The following BNC2 variants were observed in gnomAD, a reference collection of about 807,000 sequenced individuals.
BNC2 encodes the protein basonuclin zinc finger protein 2.
BNC2 carries 20 observed loss-of-function variants against 76.3 expected under a neutral mutation model. The observed-to-expected ratio is 0.26, with a 90% confidence interval of 0.18 to 0.38. The LOEUF (loss-of-function observed/expected upper bound fraction) is 0.38, where lower values mean the gene tolerates loss of function less well. Ranked by LOEUF, BNC2 falls within the 10% of genes least tolerant of loss-of-function variation. The pLI, the probability that BNC2 is intolerant of heterozygous loss-of-function variation, is 1.00. For missense variants in BNC2, 1,382 were observed against 1,399.8 expected (o/e 0.99, Z 0.20); for synonymous variants, 582 against 514.8 (o/e 1.13, Z -1.77).
intron 1 of BNC2, among the ~76,000 whole-genome samples, chr9:16,793,342 T>C (rs570349455): frequency 4.3e-4 from 66 of 152,282 alleles, no homozygotes; most frequent in African/African-American, 1.6e-3. Flanking sequence ...ATATAAACCA[T>C]ACAAACCAAA....
At chr9:16,791,876 G>A (rs1442597737) in intron 1 of BNC2, among the ~76,000 whole-genome samples, 3 of 152,140 alleles carry the variant, frequency 2.0e-5, no homozygotes, top group South Asian at 2.1e-4. Context: ...GCCAAGGCAG[G>A]TGGATCACTT....
intron 6 of BNC2, among the ~76,000 whole-genome samples, chr9:16,427,210 C>T (rs1820818972): frequency 1.3e-5 from 2 of 152,188 alleles, no homozygotes; most frequent in African/African-American, 2.4e-5. Context: ...TATAATTAAC[C>T]TTCCATTCTC....
At chr9:16,658,634 A>G (rs1300109768) in intron 3 of BNC2, among the ~76,000 whole-genome samples, 1 of 152,198 alleles carries the variant, frequency 6.6e-6, no homozygotes, top group Non-Finnish European at 1.5e-5. Context: ...TCTGGGAAAG[A>G]TCATAGGTCT....
chr9:16,644,686 C>CA (rs1374600730), intron 3 of BNC2, among the ~76,000 whole-genome samples: 2 of 152,174 alleles, frequency 1.3e-5, no homozygotes, highest in Non-Finnish European at 2.9e-5. Context: ...AACACAGTGT[C>CA]AGTCTAAGAG....
At position 16,759,924 on chromosome 9, in the gene BNC2, C is replaced by T. The variant is rs370396688; in HGVS notation, c.4-21439G>A. Among the ~76,000 whole-genome samples, 18 of 152,212 alleles carry T rather than the reference C, an allele frequency of 1.2e-4. 1 individual carries two copies. Among genetic ancestry groups the T allele is most frequent in the African/African-American group, 3.9e-4 (16 of 41,542 alleles). On this transcript the variant is annotated intron_variant, in intron 1 of 6. Coordinates refer to ENST00000380672, the MANE Select transcript of BNC2 (RefSeq NM_017637.6). ...ATTTTCAGTAGAGACGGGGTTTCAC[C>T]GCATTAGCCAGGACGGTCTGGATTT... is the stretch of plus-strand genomic sequence containing the variant.
chr9:16,534,268 A>T (rs1818067022), intron 5 of BNC2, among the ~76,000 whole-genome samples: 1 of 152,160 alleles, frequency 6.6e-6, no homozygotes, highest in South Asian at 2.1e-4. Context: ...TTAGTTTTAC[A>T]GTAAATAAGA....
At chr9:16,636,270 C>A (rs1316742795) in intron 3 of BNC2, among the ~76,000 whole-genome samples, 1 of 151,998 alleles carries the variant, frequency 6.6e-6, no homozygotes, top group Admixed American at 6.6e-5. Context: ...ATCCATAGTT[C>A]ATGGTTCTAG....
At chr9:16,649,462 AC>A (rs1433578483) in intron 3 of BNC2, among the ~76,000 whole-genome samples, 1 of 152,144 alleles carries the variant, frequency 6.6e-6, no homozygotes, top group Non-Finnish European at 1.5e-5. Context: ...ATGAACTATC[AC>A]TAAACTCAGA....
chr9:16,761,566 G>A (rs778302768), intron 1 of BNC2, among the ~76,000 whole-genome samples: 4 of 152,138 alleles, frequency 2.6e-5, no homozygotes, highest in East Asian at 1.9e-4. Flanking sequence ...ATGCTTTTGC[G>A]GGGAGAGGGA....
intron 1 of BNC2, among the ~76,000 whole-genome samples, chr9:16,795,333 C>G (rs1386522642): frequency 6.6e-6 from 1 of 151,180 alleles, no homozygotes; most frequent in Non-Finnish European, 1.5e-5. Context: ...CGCCTCTACA[C>G]ACAACAGAAC....
At chr9:16,820,513 A>G (rs76749731) in intron 1 of BNC2, among the ~76,000 whole-genome samples, 3,233 of 152,282 alleles carry the variant, frequency 0.021, 116 homozygotes, top group African/African-American at 0.073. Context: ...CCAAGATTCA[A>G]ATGATAGGTT....
chr9:16,656,276 G>A (rs909377794), intron 3 of BNC2, among the ~76,000 whole-genome samples: 4 of 152,108 alleles, frequency 2.6e-5, no homozygotes, highest in Non-Finnish European at 4.4e-5. Flanking sequence ...CTACTCACCC[G>A]TAAAAGCAGG....
At chr9:16,439,315 C>T (rs1821080823) in intron 5 of BNC2, among the ~76,000 whole-genome samples, 1 of 152,130 alleles carries the variant, frequency 6.6e-6, no homozygotes, top group Non-Finnish European at 1.5e-5. Context: ...AATTGAGGGG[C>T]ATTCTACAAA....
At chr9:16,862,573 G>C (rs1441846090) in intron 1 of BNC2, among the ~76,000 whole-genome samples, 1 of 152,170 alleles carries the variant, frequency 6.6e-6, no homozygotes, top group Non-Finnish European at 1.5e-5. Flanking sequence ...CCAAGAAACA[G>C]CCAGTCACCT....
intron 3 of BNC2, among the ~76,000 whole-genome samples, chr9:16,705,542 C>A (rs1318319799): frequency 1.3e-5 from 2 of 152,210 alleles, no homozygotes; most frequent in South Asian, 2.1e-4. Context: ...TCCCTCTCAA[C>A]AGGCTCTTGG....
chr9:16,796,450 G>C (rs1312285930), intron 1 of BNC2, among the ~76,000 whole-genome samples: 2 of 152,004 alleles, frequency 1.3e-5, no homozygotes, highest in East Asian at 1.9e-4. Context: ...AAGTATAGGA[G>C]ACTGCTTAAT....
intron 1 of BNC2, among the ~76,000 whole-genome samples, chr9:16,810,851 A>C (rs1378671406): frequency 6.6e-6 from 1 of 152,172 alleles, no homozygotes; most frequent in Non-Finnish European, 1.5e-5. Flanking sequence ...CTCTTTTTCA[A>C]GAGAAACCAG....
chr9:16,564,198 G>C (rs1481597496), intron 4 of BNC2, among the ~76,000 whole-genome samples: 1 of 152,168 alleles, frequency 6.6e-6, no homozygotes, highest in Non-Finnish European at 1.5e-5. Flanking sequence ...TCTAATCCCA[G>C]CTCTGCCACT....
chr9:16,807,152 C>G (rs971827999), intron 1 of BNC2, among the ~76,000 whole-genome samples: 1 of 152,098 alleles, frequency 6.6e-6, no homozygotes, highest in African/African-American at 2.4e-5. Flanking sequence ...GTTTTAGTAT[C>G]CTTCTTGTTT....
Sources: allele counts gnomAD v4.1 joint callset (sites outside exome capture counted in the v4.1 genomes callset), GRCh38; gene constraint gnomAD v4.1.1; transcripts MANE v1.5; gene names NCBI Gene and HGNC (gene_info 2026-07-23, HGNC 2026-07-21).